NKAIN2: variants seen among roughly 807,000 people sequenced by gnomAD.
The protein encoded by NKAIN2 is sodium/potassium-transporting ATPase subunit beta-1-interacting protein 2.
In NKAIN2, 14 loss-of-function variants were observed where a neutral mutation model predicts 32.6. The observed-to-expected ratio is 0.43, with a 90% CI of 0.28 to 0.67. The LOEUF (loss-of-function observed/expected upper bound fraction) is 0.67. Among genes scored for constraint, NKAIN2 ranks in the 30% least tolerant of loss-of-function variants. The pLI is 0.17. For missense variants in NKAIN2, 198 were observed against 258.3 expected (o/e 0.77, Z 1.60); for synonymous variants, 80 against 87.2 (o/e 0.92, Z 0.46).
chr6:124,093,746 A>G (rs1784526467), intron 1 of NKAIN2, among the ~76,000 whole-genome samples: 1 of 152,150 alleles, frequency 6.6e-6, no homozygotes, highest in Non-Finnish European at 1.5e-5. Context: ...AAGAATAGGG[A>G]CTTACAAAAC....
At chr6:124,819,366 A>C (rs538515589) in intron 6 of NKAIN2, among the ~76,000 whole-genome samples, 11 of 152,220 alleles carry the variant, frequency 7.2e-5, no homozygotes, top group Non-Finnish European at 1.5e-4. Context: ...GCTTCTCTTT[A>C]AAAAAAGAAT....
At chr6:124,007,660 G>A (rs1780131495) in intron 1 of NKAIN2, among the ~76,000 whole-genome samples, 1 of 152,052 alleles carries the variant, frequency 6.6e-6, no homozygotes, top group South Asian at 2.1e-4. Flanking sequence ...TGGGGTGCTA[G>A]ACCTCAACCC....
intron 1 of NKAIN2, among the ~76,000 whole-genome samples, chr6:124,076,347 A>G (rs1261330770): frequency 6.6e-6 from 1 of 152,178 alleles, no homozygotes; most frequent in Non-Finnish European, 1.5e-5. Flanking sequence ...GCTTGGCTTG[A>G]GAGAAACGGA....
At chr6:124,356,189 C>T (rs771275237) in intron 3 of NKAIN2, among the ~76,000 whole-genome samples, 4 of 152,178 alleles carry the variant, frequency 2.6e-5, no homozygotes, top group East Asian at 1.9e-4. Context: ...GAGATACTCA[C>T]GTGCTTTAAA....
intron 1 of NKAIN2, among the ~76,000 whole-genome samples, chr6:124,268,819 C>T (rs1341383009): frequency 1.3e-5 from 2 of 151,884 alleles, no homozygotes; most frequent in Admixed American, 1.3e-4. Context: ...AAACTTTGGG[C>T]TCTAGACAAA....
At chr6:124,286,673 TGC>T (rs71021487) in intron 2 of NKAIN2, among the ~76,000 whole-genome samples, 2,782 of 101,842 alleles carry the variant, frequency 0.027, 78 homozygotes, top group African/African-American at 0.13. Flanking sequence ...TGTGTGTGTG[TGC>T]GCGCGCGTGT....
chr6:124,535,529 G>A (rs1010778938), intron 3 of NKAIN2, among the ~76,000 whole-genome samples: 20 of 152,240 alleles, frequency 1.3e-4, no homozygotes, highest in South Asian at 4.1e-4. Context: ...CAAAGCCAAC[G>A]ACTTCCTTTA....
chr6:123,838,799 C>G (rs911229291), intron 1 of NKAIN2, among the ~76,000 whole-genome samples: 2 of 152,062 alleles, frequency 1.3e-5, no homozygotes, highest in Non-Finnish European at 2.9e-5. Flanking sequence ...CATTTGAAAT[C>G]AAGTGTCTTT....
intron 4 of NKAIN2, among the ~76,000 whole-genome samples, chr6:124,700,162 G>T (rs1774705284): frequency 6.6e-6 from 1 of 152,106 alleles, no homozygotes; most frequent in Non-Finnish European, 1.5e-5. Flanking sequence ...ACCTGCTTAA[G>T]TGAGTGACTC....
intron 1 of NKAIN2, among the ~76,000 whole-genome samples, chr6:124,200,255 T>C (rs2114622369): frequency 2.0e-5 from 3 of 152,254 alleles, no homozygotes; most frequent in Admixed American, 2.0e-4. Context: ...AAACCATATG[T>C]ATAGTCTTTC....
chr6:124,385,286 T>C (rs376592559), intron 3 of NKAIN2, among the ~76,000 whole-genome samples: 1 of 152,122 alleles, frequency 6.6e-6, no homozygotes, highest in East Asian at 1.9e-4. Flanking sequence ...ACGAGGTGCC[T>C]TGAGAAGCTG....
intron 4 of NKAIN2, among the ~76,000 whole-genome samples, chr6:124,667,886 T>C (rs1772884981): frequency 6.6e-6 from 1 of 152,162 alleles, no homozygotes; most frequent in Non-Finnish European, 1.5e-5. Flanking sequence ...GTGACATTCC[T>C]TCTGTACCTT....
intron 1 of NKAIN2, among the ~76,000 whole-genome samples, chr6:123,822,734 G>A (rs1275513508): frequency 6.6e-6 from 1 of 152,086 alleles, no homozygotes; most frequent in African/African-American, 2.4e-5. Context: ...TTAGCTGCTG[G>A]AATCTGATTC....
At chr6:124,785,183 A>T (rs1314989582) in intron 4 of NKAIN2, among the ~76,000 whole-genome samples, 1 of 152,010 alleles carries the variant, frequency 6.6e-6, no homozygotes, top group African/African-American at 2.4e-5. Context: ...TTCAATCTTC[A>T]AGTTCACTGA....
chr6:124,409,940 G>C (rs144917484), intron 3 of NKAIN2, among the ~76,000 whole-genome samples: 153 of 152,258 alleles, frequency 1.0e-3, no homozygotes, highest in African/African-American at 3.3e-3. Flanking sequence ...ATGTGTCGAG[G>C]AATTTATCCA....
In NKAIN2 at chr6:124,187,480, C is replaced by T. The variant is rs145685523; in HGVS notation, c.55-95525C>T. Among the ~76,000 whole-genome samples, 1,367 of 152,120 alleles carry T rather than the reference C, an allele frequency of 9.0e-3. 17 individuals carry two copies. The highest frequency in any genetic ancestry group is 0.031 in the African/African-American group (1,293 of 41,492). ...TCCAATTGGGTAGACAGGGCAGTTTCGGATAAGATCAAAAAGCATATTTTT... is the reference window on the plus strand; with the variant it reads ...TCCAATTGGGTAGACAGGGCAGTTTTGGATAAGATCAAAAAGCATATTTTT... On this transcript the variant is annotated intron_variant, in intron 1 of 6. Transcript: ENST00000368417.
intron 4 of NKAIN2, among the ~76,000 whole-genome samples, chr6:124,663,600 A>G (rs939013528): frequency 1.3e-5 from 2 of 152,224 alleles, no homozygotes; most frequent in African/African-American, 4.8e-5. Flanking sequence ...AGTATTTCCC[A>G]AACTGTTATT....
chr6:123,924,646 C>A (rs959712149), intron 1 of NKAIN2, among the ~76,000 whole-genome samples: 3 of 152,186 alleles, frequency 2.0e-5, no homozygotes, highest in African/African-American at 4.8e-5. Flanking sequence ...AGACCTGGAT[C>A]GTTCAGTTCA....
chr6:124,637,983 A>G (rs895564575), intron 3 of NKAIN2, among the ~76,000 whole-genome samples: 1 of 152,196 alleles, frequency 6.6e-6, no homozygotes. Flanking sequence ...AACTGAAGGC[A>G]TCATACTATC....
Sources: allele counts gnomAD v4.1 joint callset (sites outside exome capture counted in the v4.1 genomes callset), GRCh38; gene constraint gnomAD v4.1.1; transcripts MANE v1.5; gene names NCBI Gene and HGNC (gene_info 2026-07-23, HGNC 2026-07-21).